The following CANX variants were observed in gnomAD, a reference collection of about 807,000 sequenced individuals.
CANX encodes calnexin.
CANX carries 14 observed loss-of-function variants against 75.7 expected under a neutral mutation model. The observed-to-expected ratio is 0.19, with a 90% confidence interval of 0.12 to 0.29. The LOEUF (loss-of-function observed/expected upper bound fraction) is 0.29, where lower values mean the gene tolerates loss of function less well. Ranked by LOEUF, CANX falls within the 10% of genes least tolerant of loss-of-function variation. The pLI, the probability that CANX is intolerant of heterozygous loss-of-function variation, is 1.00. For synonymous variants in CANX, 227 were observed against 236.9 expected, an observed-to-expected ratio of 0.96 and a Z score of 0.38; for missense variants, 567 against 713.2, an observed-to-expected ratio of 0.79 and a Z score of 2.34.
At chr5:179,684,103 A>T (rs1776138721) in intron 1 of CANX, among the ~76,000 whole-genome samples, 1 of 152,178 alleles carries the variant, frequency 6.6e-6, no homozygotes, top group Non-Finnish European at 1.5e-5. Context: ...GTAAACACCT[A>T]GGAATAGAAT....
chr5:179,713,193 C>T (rs1216261951), intron 7 of CANX, among the ~76,000 whole-genome samples: 1 of 151,642 alleles, frequency 6.6e-6, no homozygotes, highest in African/African-American at 2.4e-5. Context: ...GTGATTCTCC[C>T]GTCTCAGCCT....
At chr5:179,704,735 C>G (rs1032247901) in intron 1 of CANX, among the ~76,000 whole-genome samples, 3 of 152,066 alleles carry the variant, frequency 2.0e-5, no homozygotes, top group Non-Finnish European at 2.9e-5. Context: ...ACTCAAGAGG[C>G]TGAGGTGGGA....
At chr5:179,723,630 ACTTTC>A (rs1288059766) in intron 11 of CANX, 25 bp from the exon 12 acceptor site, 1 of 1,604,564 alleles carries the variant, frequency 6.2e-7, no homozygotes, top group Admixed American at 1.8e-5. Flanking sequence ...AAAAGCTGGA[ACTTTC>A]AATCAGCCCT....
At chr5:179,709,427 A>G (rs72809767) in intron 6 of CANX, among the ~76,000 whole-genome samples, 32,101 of 151,744 alleles carry the variant, frequency 0.21, 4,274 homozygotes, top group Non-Finnish European at 0.3. Flanking sequence ...AAAAAAAAAA[A>G]GAGAATTTTG....
intron 14 of CANX, 82 bp from the exon 15 acceptor site, chr5:179,728,505 CTCAG>C: frequency 1.3e-6 from 1 of 781,720 alleles, no homozygotes. Context: ...ATAAGTTACC[CTCAG>C]TCTGGCTGAT....
At chr5:179,701,337 G>A (rs928030286) in intron 1 of CANX, among the ~76,000 whole-genome samples, 4 of 152,004 alleles carry the variant, frequency 2.6e-5, no homozygotes, top group Non-Finnish European at 5.9e-5. Context: ...TCTCACGCCT[G>A]TAGTTCGAGC....
upstream of CANX, among the ~76,000 whole-genome samples, chr5:179,695,876 G>C (rs1776391285): frequency 6.6e-6 from 1 of 151,334 alleles, no homozygotes; most frequent in Non-Finnish European, 1.5e-5. Flanking sequence ...CTGACCTCAT[G>C]ATCCACCCGC....
intron 1 of CANX, among the ~76,000 whole-genome samples, chr5:179,683,161 C>G (rs1776112242): frequency 3.7e-5 from 2 of 53,766 alleles, no homozygotes; most frequent in African/African-American, 1.2e-4. Context: ...CGGAGTCTCG[C>G]TCTGTCGCAC....
intron 1 of CANX, chr5:179,700,596 A>G (rs992802400): frequency 6.5e-6 from 1 of 152,810 alleles, no homozygotes; most frequent in African/African-American, 2.4e-5. Flanking sequence ...CACAACAGAA[A>G]TTTTCTGACT....
chr5:179,679,203 T>G (rs1775986785), intron 1 of CANX: 3 of 1,534,592 alleles, frequency 2.0e-6, no homozygotes, highest in Middle Eastern at 2.0e-4. Context: ...TGGCGACTCG[T>G]GCTGCGCTCT....
chr5:179,726,690 G>C lies in CANX; in HGVS notation c.1656G>C (p.Gln552His), dbSNP rs770986913. The C allele has an allele frequency of 2.0e-5, 33 of 1,612,696 alleles. No homozygotes were observed. Among genetic ancestry groups the C allele is most frequent in the Non-Finnish European group, 2.8e-5 (33 of 1,178,890 alleles). Reference sequence around the variant, plus strand: ...TAACTTCTGTCTTAGAAGAGAAACAGAAAAGTGATGCTGAAGAAGATGGTG... The same window carrying C: ...TAACTTCTGTCTTAGAAGAGAAACACAAAAGTGATGCTGAAGAAGATGGTG... ...EEGEEKLEEK[Q>H]KSDAEEDGGT... The change falls in exon 14 of 15, where the codon CAG (glutamine) becomes CAC (histidine). Residue 552 changes from glutamine (Q) to histidine (H), a missense_variant. Gln to His is a conservative substitution (Grantham distance 24). Coordinates refer to ENST00000247461, the MANE Select transcript of CANX (RefSeq NM_001746.4).
intron 1 of CANX, chr5:179,679,139 A>G (rs1775983965): frequency 6.5e-7 from 1 of 1,535,608 alleles, no homozygotes; most frequent in Non-Finnish European, 8.7e-7. Flanking sequence ...GAAGGTTGCC[A>G]GGGCGTGGAC....
intron 1 of CANX, chr5:179,704,088 T>G (rs1377586956): frequency 1.3e-5 from 2 of 152,130 alleles, no homozygotes; most frequent in East Asian, 3.8e-4. Context: ...AGCCCAAAAA[T>G]GAAAATTTAC....
intron 1 of CANX, chr5:179,679,012 G>A (rs1775978403): frequency 6.5e-7 from 1 of 1,535,592 alleles, no homozygotes; most frequent in African/African-American, 1.4e-5. Context: ...AGGTGGACAG[G>A]GAGGGCATGC....
upstream of CANX, among the ~76,000 whole-genome samples, chr5:179,695,628 CTATTTTTATTTATTTATT>C (rs1374594768): frequency 6.6e-6 from 1 of 151,198 alleles, no homozygotes; most frequent in Admixed American, 6.6e-5. Flanking sequence ...TGTGCCTGGC[CTATTTTTATTTATTTATT>C]TATTTTTATT....
chr5:179,709,152 T>C, intron 6 of CANX, 93 bp downstream of exon 6: 1 of 755,020 alleles, frequency 1.3e-6, no homozygotes, highest in South Asian at 1.4e-5. Flanking sequence ...CTCACGCCTG[T>C]AATCCTAGCT....
intron 1 of CANX, among the ~76,000 whole-genome samples, chr5:179,690,313 C>T (rs1318217319): frequency 2.0e-5 from 3 of 151,816 alleles, no homozygotes; most frequent in Non-Finnish European, 4.4e-5. Context: ...CAGTGGCTCA[C>T]GCCTGTAATC....
chr5:179,690,862 C>A (rs994801244), intron 1 of CANX, among the ~76,000 whole-genome samples: 4 of 151,698 alleles, frequency 2.6e-5, no homozygotes, highest in African/African-American at 9.7e-5. Context: ...GCATTCCAGC[C>A]TGGGCGACAG....
intron 4 of CANX, among the ~76,000 whole-genome samples, chr5:179,707,855 C>T (rs760948769): frequency 1.3e-5 from 2 of 151,898 alleles, no homozygotes; most frequent in Admixed American, 6.6e-5. Context: ...TTTTTTGAGA[C>T]GGAGTCTCAT....
Sources: gnomAD v4.1 joint callset for allele counts (sites outside exome capture counted in the v4.1 genomes callset) on GRCh38, gnomAD v4.1.1 for gene constraint, MANE v1.5 for transcripts, NCBI Gene and HGNC (gene_info 2026-07-23, HGNC 2026-07-21) for gene names.